Variants in GALK2 observed in about 807,000 individuals in gnomAD.
The protein encoded by GALK2 is galactokinase 2.
In GALK2, 36 loss-of-function variants were observed where a neutral mutation model predicts 52.4. The ratio of observed to expected loss-of-function variants is 0.69; its 90% CI spans 0.53 to 0.91. The LOEUF is 0.91. GALK2 is among the 40% of genes least tolerant of loss of function. GALK2 has a pLI of 0.00. For missense variants in GALK2, 579 were observed against 559.1 expected (o/e 1.04, Z -0.36); for synonymous variants, 176 against 199.1 (o/e 0.88, Z 0.98).
chr15:49,320,986 C>T (rs939557961), intron 9 of GALK2, among the ~76,000 whole-genome samples: 1 of 152,176 alleles, frequency 6.6e-6, no homozygotes, highest in South Asian at 2.1e-4. Context: ...CTGGAATTCT[C>T]TAATAAACTT....
intron 3 of GALK2, among the ~76,000 whole-genome samples, chr15:49,230,424 G>C (rs1027357019): frequency 6.6e-6 from 1 of 152,162 alleles, no homozygotes; most frequent in Non-Finnish European, 1.5e-5. Flanking sequence ...AGCTGATTCT[G>C]GCTGAGCAGG....
chr15:49,319,245 C>T (rs1054882694), intron 8 of GALK2: 8 of 350,326 alleles, frequency 2.3e-5, no homozygotes, highest in East Asian at 7.6e-5. Context: ...TGAGCTACCG[C>T]GCCTGGCCTA....
At chr15:49,314,005 C>A (rs1455381468) in intron 8 of GALK2, among the ~76,000 whole-genome samples, 1 of 152,204 alleles carries the variant, frequency 6.6e-6, no homozygotes, top group Non-Finnish European at 1.5e-5. Flanking sequence ...CTACTGTTGA[C>A]CTGCTGTCCT....
rs1355426110 is a variant in GALK2 at position 49,263,371 on chromosome 15, A to T, written c.505-18616A>T. On this transcript the variant is annotated intron_variant, in intron 5 of 9. Transcript: ENST00000560031. ...TCTTTGTTGGTTTAAAGTCTGTTGT[A>T]TCAGAGACTGGGATTGCAACCCCTG... 2.1e-4 allele frequency among the ~76,000 whole-genome samples: 23 copies of T among 111,138 alleles called. No individual in the cohort carries two copies. In the East Asian group the frequency reaches 4.7e-3, roughly 23 times the overall value. The allele number at this position is 111,138 out of a possible 152,430, so 72.9% of individuals were successfully genotyped here.
chr15:49,366,607 C>CT, intron 3 of GALK2: 1 of 1,599,712 alleles, frequency 6.3e-7, no homozygotes, highest in South Asian at 1.1e-5. Flanking sequence ...AGATTGCTTC[C>CT]TGAGCGGCTG....
At chr15:49,162,798 T>G (rs1000345307) in intron 1 of GALK2, among the ~76,000 whole-genome samples, 1 of 152,200 alleles carries the variant, frequency 6.6e-6, no homozygotes, top group Non-Finnish European at 1.5e-5. Context: ...ATGGTCTTAG[T>G]CTGACAGCCC....
intron 7 of GALK2, among the ~76,000 whole-genome samples, chr15:49,286,901 C>T (rs60521338): frequency 2.0e-5 from 3 of 152,194 alleles, no homozygotes; most frequent in East Asian, 1.9e-4. Flanking sequence ...AGTTTTATCA[C>T]GAAATTAGAT....
rs370698577 is a variant in GALK2 at position 49,217,279 on chromosome 15, G to A, written c.232G>A (p.Ala78Thr). 577 of 1,613,812 alleles carry A rather than the reference G, an allele frequency of 3.6e-4. 9 individuals carry two copies. In the South Asian group the frequency reaches 5.9e-3, roughly 16 times the overall value. The change falls in exon 3 of 10, where the codon GCT becomes ACT. Residue 78 changes from alanine to threonine, a missense_variant. Transcript: ENST00000560031. ...LIAVEPVKTY[A>T]LQLANTNPLY... ...AGCTGTAGAACCTGTGAAAACGTAC[G>A]CTCTCCAACTGGCCAATACAAATCC...
intron 1 of GALK2, among the ~76,000 whole-genome samples, chr15:49,186,731 G>T (rs927820662): frequency 6.6e-6 from 1 of 151,910 alleles, no homozygotes; most frequent in African/African-American, 2.4e-5. Context: ...TAGAGACAGG[G>T]TTTCACCATG....
At chr15:49,195,748 A>C (rs2087166475) in intron 1 of GALK2, among the ~76,000 whole-genome samples, 1 of 151,612 alleles carries the variant, frequency 6.6e-6, no homozygotes, top group Non-Finnish European at 1.5e-5. Flanking sequence ...TGGGGTTTTT[A>C]TGATGGTTAG....
upstream of GALK2, among the ~76,000 whole-genome samples, chr15:49,166,544 C>A (rs2084828688): frequency 6.6e-6 from 1 of 152,060 alleles, no homozygotes; most frequent in African/African-American, 2.4e-5. Context: ...CATGTTGAAA[C>A]CCCATCTCTA....
At chr15:49,326,074 C>G (rs1055428918) in intron 9 of GALK2, among the ~76,000 whole-genome samples, 2 of 152,018 alleles carry the variant, frequency 1.3e-5, no homozygotes, top group South Asian at 2.1e-4. Context: ...TTGAGTCCAG[C>G]AAAACGGCAT....
At chr15:49,179,577 T>G (rs1415222227) in intron 1 of GALK2, among the ~76,000 whole-genome samples, 1 of 152,028 alleles carries the variant, frequency 6.6e-6, no homozygotes, top group Non-Finnish European at 1.5e-5. Flanking sequence ...TAAAGTCCAT[T>G]TCATTCACAA....
At chr15:49,332,031 G>T, downstream of GALK2, 1 of 570,956 alleles carries the variant, frequency 1.8e-6, no homozygotes. Context: ...TTTTATAAAT[G>T]AGGAAACAGG....
rs2045379259 is a variant in GALK2, at chr15:49,367,357, CAATTT to C, written c.427-133_427-129del. The C allele has an allele frequency of 4.4e-6, 5 of 1,144,392 alleles. No homozygotes were observed. The Admixed American group carries it at 1.4e-4, about 32-fold the overall frequency. The allele number at this position is 1,144,392 out of a possible 1,614,324, so 70.9% of individuals were successfully genotyped here. ...CAGAAGCATTGATAAAACATGCATTCAATTTGTTTCTCAATTGAGACATTCAGTGA... is the reference window on the plus strand; with the variant it reads ...CAGAAGCATTGATAAAACATGCATTCGTTTCTCAATTGAGACATTCAGTGA... On this transcript the variant is annotated intron_variant, in intron 3 of 3. Coordinates refer to the GALK2 transcript ENST00000558399.
rs143988494 is a variant in GALK2, at chr15:49,190,070, A to G, written c.54-11092A>G. ...TATGTGTTTTATGAGCAGCTATTTT[A>G]TAGAATATTCCTCAGTTTGAGTTTT... On this transcript the variant is annotated intron_variant, in intron 1 of 9. Transcript: ENST00000560031. Among the ~76,000 whole-genome samples, 11 of 152,282 alleles carry G rather than the reference A, an allele frequency of 7.2e-5. No individual in the cohort carries two copies. The East Asian group carries it at 1.9e-3, about 27-fold the overall frequency.
At chr15:49,279,156 A>G (rs1014982684) in intron 5 of GALK2, among the ~76,000 whole-genome samples, 5 of 152,216 alleles carry the variant, frequency 3.3e-5, no homozygotes, top group Non-Finnish European at 7.3e-5. Context: ...CAGCCAAACC[A>G]TATCAGTAGG....
At chr15:49,259,754 A>G (rs2092006006) in intron 5 of GALK2, among the ~76,000 whole-genome samples, 2 of 72,018 alleles carry the variant, frequency 2.8e-5, no homozygotes, top group Non-Finnish European at 2.7e-5. Flanking sequence ...CACAGTCCCC[A>G]GAGTGTGATG....
chr15:49,286,983 T>C (rs1302290841), intron 7 of GALK2, among the ~76,000 whole-genome samples: 3 of 152,160 alleles, frequency 2.0e-5, no homozygotes, highest in Non-Finnish European at 4.4e-5. Flanking sequence ...TTGTGACTAC[T>C]CTCCCAAAGA....
Sources: gnomAD v4.1 joint callset for allele counts (sites outside exome capture counted in the v4.1 genomes callset) on GRCh38, gnomAD v4.1.1 for gene constraint, MANE v1.5 for transcripts, NCBI Gene and HGNC (gene_info 2026-07-23, HGNC 2026-07-21) for gene names.